The following NCAM2 variants were observed in gnomAD, a reference collection of about 807,000 sequenced individuals.
NCAM2 encodes N-CAM-2.
NCAM2 carries 30 observed loss-of-function variants against 98.1 expected under a neutral mutation model. The ratio of observed to expected loss-of-function variants is 0.31; its 90% CI spans 0.23 to 0.41. The LOEUF (loss-of-function observed/expected upper bound fraction) is 0.41, where lower values mean the gene tolerates loss of function less well. Ranked by LOEUF, NCAM2 falls within the 10% of genes least tolerant of loss-of-function variation. The pLI, the probability that NCAM2 is intolerant of heterozygous loss-of-function variation, is 1.00. For synonymous variants in NCAM2, 368 were observed against 342.4 expected (o/e 1.07, Z -0.83); for missense variants, 867 against 1,005.8 (o/e 0.86, Z 1.87).
chr21:21,245,460 G>A (rs1007307384), intron 1 of NCAM2, among the ~76,000 whole-genome samples: 8 of 152,174 alleles, frequency 5.3e-5, no homozygotes, highest in Non-Finnish European at 8.8e-5. Flanking sequence ...GTCCTTGGAT[G>A]TACATGGGAA....
intron 8 of NCAM2, among the ~76,000 whole-genome samples, chr21:21,367,087 G>A (rs1326967405): frequency 2.0e-5 from 3 of 151,978 alleles, no homozygotes; most frequent in Admixed American, 6.6e-5. Flanking sequence ...ATATTATAAC[G>A]CATTTTTAAA....
At chr21:21,233,026 A>G (rs781483625) in intron 1 of NCAM2, among the ~76,000 whole-genome samples, 1 of 151,480 alleles carries the variant, frequency 6.6e-6, no homozygotes, top group Non-Finnish European at 1.5e-5. Context: ...TAATTTTCTG[A>G]TTTTGCACTT....
chr21:21,319,224 G>A (rs1363945532), intron 5 of NCAM2, among the ~76,000 whole-genome samples: 2 of 152,052 alleles, frequency 1.3e-5, no homozygotes, highest in Admixed American at 6.5e-5. Context: ...TTTTAAAATA[G>A]CAATAAAATT....
chr21:21,200,430 T>G (rs2069170527), intron 1 of NCAM2, among the ~76,000 whole-genome samples: 1 of 148,678 alleles, frequency 6.7e-6, no homozygotes, highest in African/African-American at 2.5e-5. Flanking sequence ...AAAAAAGCCT[T>G]GAAATCTTTA....
At chr21:21,499,046 G>T (rs1987445853) in intron 15 of NCAM2, among the ~76,000 whole-genome samples, 1 of 152,018 alleles carries the variant, frequency 6.6e-6, no homozygotes, top group Non-Finnish European at 1.5e-5. Context: ...AAATTTTATA[G>T]TGTCAATTAG....
intron 6 of NCAM2, 82 bp from the exon 7 acceptor site, chr21:21,335,423 G>A (rs2074834266): frequency 8.5e-7 from 1 of 1,178,312 alleles, no homozygotes; most frequent in Non-Finnish European, 1.2e-6. Context: ...AGTCATCAAT[G>A]CCTATAGATT....
chr21:21,501,425 TC>T (rs1216641516), intron 15 of NCAM2, among the ~76,000 whole-genome samples: 1 of 152,000 alleles, frequency 6.6e-6, no homozygotes, highest in African/African-American at 2.4e-5. Flanking sequence ...CTTTTGTAAT[TC>T]AATGGATGAA....
At chr21:21,537,808 A>G (rs1990063232) in intron 17 of NCAM2, 38 bp from the exon 18 acceptor site, 3 of 1,115,808 alleles carry the variant, frequency 2.7e-6, no homozygotes, top group African/African-American at 1.6e-5. Flanking sequence ...CTCCTTAAAT[A>G]CCTCAGAAAA....
chr21:21,469,912 T>A (rs532592263), intron 14 of NCAM2, among the ~76,000 whole-genome samples: 13 of 152,122 alleles, frequency 8.5e-5, no homozygotes, highest in African/African-American at 3.1e-4. Flanking sequence ...AGAGAGATAA[T>A]CTTTTCTAGG....
At chr21:21,430,181 A>G (rs2077301051) in intron 11 of NCAM2, among the ~76,000 whole-genome samples, 1 of 151,504 alleles carries the variant, frequency 6.6e-6, no homozygotes, top group Non-Finnish European at 1.5e-5. Flanking sequence ...GGCACACTCC[A>G]CTACACCCGG....
At chr21:21,228,560 C>A (rs1475431866) in intron 1 of NCAM2, among the ~76,000 whole-genome samples, 1 of 151,170 alleles carries the variant, frequency 6.6e-6, no homozygotes. Flanking sequence ...TGAAAAAAAT[C>A]TAAAAACACT....
At chr21:21,031,809 TACACAC>T (rs67929765) in intron 1 of NCAM2, among the ~76,000 whole-genome samples, 28 of 151,264 alleles carry the variant, frequency 1.9e-4, no homozygotes, top group Middle Eastern at 3.4e-3. Context: ...CACACTCTTA[TACACAC>T]ACACACACAC....
At chr21:21,398,736 G>A (rs2076567442) in intron 9 of NCAM2, among the ~76,000 whole-genome samples, 1 of 152,100 alleles carries the variant, frequency 6.6e-6, no homozygotes, top group Non-Finnish European at 1.5e-5. Context: ...CTATGAACTG[G>A]GCAAGAGAGC....
intron 1 of NCAM2, among the ~76,000 whole-genome samples, chr21:21,248,824 T>C (rs2071379942): frequency 6.9e-6 from 1 of 144,724 alleles, no homozygotes. Flanking sequence ...AAAAGATTTA[T>C]GAATTTCTTT....
intron 12 of NCAM2, among the ~76,000 whole-genome samples, chr21:21,465,026 A>T (rs1983497864): frequency 6.6e-6 from 1 of 152,140 alleles, no homozygotes; most frequent in Non-Finnish European, 1.5e-5. Context: ...TCTAAAAAGC[A>T]AGTTCAGTTT....
At chr21:21,018,773 AT>A (rs1180481090) in intron 1 of NCAM2, among the ~76,000 whole-genome samples, 1 of 152,254 alleles carries the variant, frequency 6.6e-6, no homozygotes, top group Admixed American at 6.5e-5. Flanking sequence ...CAAAATAAGA[AT>A]GTTCAAATTA....
intron 1 of NCAM2, among the ~76,000 whole-genome samples, chr21:21,125,765 T>G (rs2066807993): frequency 6.8e-6 from 1 of 147,984 alleles, no homozygotes; most frequent in Non-Finnish European, 1.5e-5. Context: ...CACATATTCT[T>G]TTTTTTCAAA....
At chr21:21,480,813 A>G (rs540202902) in intron 15 of NCAM2, among the ~76,000 whole-genome samples, 24 of 152,350 alleles carry the variant, frequency 1.6e-4, no homozygotes, top group African/African-American at 5.8e-4. Flanking sequence ...CTGCCTTTGC[A>G]ATAGATTGGA....
intron 4 of NCAM2, among the ~76,000 whole-genome samples, chr21:21,288,945 T>G (rs1489442562): frequency 1.3e-5 from 2 of 152,078 alleles, no homozygotes; most frequent in East Asian, 3.9e-4. Context: ...ATTTTCCATG[T>G]TGCTCATAGA....
Sources: allele counts gnomAD v4.1 joint callset (sites outside exome capture counted in the v4.1 genomes callset), GRCh38; gene constraint gnomAD v4.1.1; transcripts MANE v1.5; gene names NCBI Gene and HGNC (gene_info 2026-07-23, HGNC 2026-07-21).